Variants in ZNF536 observed in about 807,000 individuals in gnomAD.
ZNF536 encodes the protein zinc finger protein 536.
ZNF536 carries 13 observed loss-of-function variants against 84.5 expected under a neutral mutation model. The observed-to-expected ratio is 0.15, with a 90% CI of 0.10 to 0.24. The LOEUF (loss-of-function observed/expected upper bound fraction) is 0.24, where lower values mean the gene tolerates loss of function less well. Ranked by LOEUF, ZNF536 falls within the 10% of genes least tolerant of loss-of-function variation. The pLI, the probability that ZNF536 is intolerant of heterozygous loss-of-function variation, is 1.00. For missense variants in ZNF536, 1,536 were observed against 1,747.5 expected (o/e 0.88, Z 2.16); for synonymous variants, 811 against 742.5 (o/e 1.09, Z -1.50).
rs144099582 is a variant in ZNF536, at chr19:30,584,710, C to A, written c.169+35196C>A. Among the ~76,000 whole-genome samples the A allele has an allele frequency of 4.1e-4, 63 of 152,340 alleles. 1 individual carries two copies. The highest frequency in any genetic ancestry group is 1.4e-3 in the African/African-American group (60 of 41,584). Reference sequence around the variant, plus strand: ...GATTCATCATCATTTCTCAAGTCTGCACCTTGCAGAACTTTCCTCTTTGTT... The same window carrying A: ...GATTCATCATCATTTCTCAAGTCTGAACCTTGCAGAACTTTCCTCTTTGTT... On this transcript the variant is annotated intron_variant, in intron 1 of 1. Coordinates refer to the ZNF536 transcript ENST00000592773.
At chr19:30,310,400 T>C (rs1326344914) in intron 2 of ZNF536, among the ~76,000 whole-genome samples, 1 of 152,212 alleles carries the variant, frequency 6.6e-6, no homozygotes, top group Non-Finnish European at 1.5e-5. Context: ...GAGAAAATGT[T>C]CCCACCTTCT....
At chr19:30,551,471 C>G (rs932721108) in intron 4 of ZNF536, among the ~76,000 whole-genome samples, 1 of 152,176 alleles carries the variant, frequency 6.6e-6, no homozygotes, top group Admixed American at 6.5e-5. Context: ...CAGCAGCACA[C>G]GACACGTCCC....
upstream of ZNF536, among the ~76,000 whole-genome samples, chr19:30,371,032 A>G (rs1160471875): frequency 1.3e-5 from 2 of 152,158 alleles, no homozygotes; most frequent in Admixed American, 6.5e-5. Context: ...ACCAATCTAA[A>G]TCTCATAAGT....
rs2049071021 is a variant in ZNF536 at position 30,382,740 on chromosome 19, C to T, written c.-3+10184C>T. 2.0e-5 allele frequency among the ~76,000 whole-genome samples: 3 copies of T among 152,048 alleles called. No homozygotes were observed. The South Asian group carries it at 6.2e-4, about 32-fold the overall frequency. On this transcript the variant is annotated intron_variant, in intron 1 of 4. Transcript: ENST00000355537. ...CGCAGAGGTGGAATCCACTGGATCC[C>T]ATGTGATCTACATGGTTGTGATGAG...
chr19:30,357,709 G>A (rs1229396470), intron 3 of ZNF536, among the ~76,000 whole-genome samples: 1 of 152,098 alleles, frequency 6.6e-6, no homozygotes, highest in African/African-American at 2.4e-5. Flanking sequence ...CTCAGGCCCT[G>A]GCATGAGCTT....
At chr19:30,506,541 AG>A in intron 2 of ZNF536, among the ~76,000 whole-genome samples, 1 of 152,214 alleles carries the variant, frequency 6.6e-6, no homozygotes, top group East Asian at 1.9e-4. Context: ...TGCTGAGGCG[AG>A]GGGAGGTTCT....
chr19:30,697,046 A>T (rs1227672835), intron 1 of ZNF536, among the ~76,000 whole-genome samples: 1 of 152,296 alleles, frequency 6.6e-6, no homozygotes, highest in East Asian at 1.9e-4. Context: ...ATTGACTCAT[A>T]GTTCTGCATG....
chr19:30,468,082 C>T (rs1450222187), intron 2 of ZNF536, among the ~76,000 whole-genome samples: 6 of 152,362 alleles, frequency 3.9e-5, no homozygotes, highest in South Asian at 2.1e-4. Flanking sequence ...TCACCGCCCA[C>T]GACAAGATAC....
At chr19:30,527,351 G>A (rs906849670) in intron 2 of ZNF536, among the ~76,000 whole-genome samples, 2 of 150,570 alleles carry the variant, frequency 1.3e-5, no homozygotes, top group African/African-American at 4.9e-5. Flanking sequence ...GGTAGAGGGT[G>A]AGACATGGCA....
At chr19:30,607,382 G>A (rs1188869924) in intron 1 of ZNF536, among the ~76,000 whole-genome samples, 3 of 151,684 alleles carry the variant, frequency 2.0e-5, no homozygotes, top group Admixed American at 1.3e-4. Flanking sequence ...GCTCTTCTTT[G>A]TTCATCAATA....
At chr19:30,489,304 GGTGTGGTGCTCAGGCTT>G (rs2054416363) in intron 2 of ZNF536, among the ~76,000 whole-genome samples, 1 of 152,210 alleles carries the variant, frequency 6.6e-6, no homozygotes, top group East Asian at 1.9e-4. Context: ...CACAAGCTGA[GGTGTGGTGCTCAGGCTT>G]GCAGTCCCAA....
At chr19:30,265,335 G>A (rs893968427) in intron 1 of ZNF536, among the ~76,000 whole-genome samples, 3 of 152,074 alleles carry the variant, frequency 2.0e-5, no homozygotes, top group Non-Finnish European at 2.9e-5. Context: ...CTTAGAAGCC[G>A]CCTGATTTCT....
chr19:30,642,228 T>C (rs1026094685), intron 1 of ZNF536, among the ~76,000 whole-genome samples: 3 of 152,198 alleles, frequency 2.0e-5, no homozygotes, highest in Admixed American at 2.0e-4. Context: ...TCCTAAGTAA[T>C]CTTCAGCTCC....
In ZNF536 at chr19:30,402,822, T is replaced by TATATATATATATATATATATAA. The variant is rs1331644147; in HGVS notation, c.-3+30267_-3+30268insTATATATATATATATATATAAA. 1.0e-3 allele frequency among the ~76,000 whole-genome samples: 145 copies of TATATATATATATATATATATAA among 142,494 alleles called. 1 individual carries two copies. Among genetic ancestry groups the TATATATATATATATATATATAA allele is most frequent in the Non-Finnish European group, 1.8e-3 (113 of 64,462 alleles). The allele number at this position is 142,494 out of a possible 152,430, so 93.5% of individuals were successfully genotyped here. On this transcript the variant is annotated intron_variant, in intron 1 of 4. Transcript: ENST00000355537. ...ATATATATATATATATATATATATA[T>TATATATATATATATATATATAA]AATTTTCAAAAATTTGATTTAAACT...
intron 3 of ZNF536, among the ~76,000 whole-genome samples, chr19:30,356,390 C>T (rs1356350025): frequency 2.6e-5 from 4 of 152,204 alleles, no homozygotes; most frequent in Admixed American, 6.5e-5. Flanking sequence ...TGGGCTGTCC[C>T]GAGTCAGCCC....
Position 30,420,456 on chromosome 19 carries a change from GT to G in ZNF536, c.-2-23102del, listed in dbSNP as rs1568411343. Reference sequence around the variant, plus strand: ...ATCTAAGGTGTCTCTATCCAATGCAGTTTCTTCAAAGTCTGCAATGTGGGAT... The same window carrying G: ...ATCTAAGGTGTCTCTATCCAATGCAGTTCTTCAAAGTCTGCAATGTGGGAT... On this transcript the variant is annotated intron_variant, in intron 1 of 4. Transcript: ENST00000355537. Among the ~76,000 whole-genome samples, 15 of 152,304 alleles carry G rather than the reference GT, an allele frequency of 9.8e-5. 1 individual carries two copies. In the South Asian group the frequency reaches 3.1e-3, roughly 32 times the overall value.
At chr19:30,251,007 T>C (rs2024576271) in intron 1 of ZNF536, among the ~76,000 whole-genome samples, 1 of 152,178 alleles carries the variant, frequency 6.6e-6, no homozygotes, top group Non-Finnish European at 1.5e-5. Flanking sequence ...GTTTAAGATC[T>C]CGGTGAACTT....
intron 1 of ZNF536, among the ~76,000 whole-genome samples, chr19:30,572,149 T>C (rs530341050): frequency 6.6e-6 from 1 of 152,270 alleles, no homozygotes; most frequent in South Asian, 2.1e-4. Context: ...TGTGTAGTTA[T>C]CTCTAGCTAG....
chr19:30,674,472 A>G (rs533746740), intron 1 of ZNF536, among the ~76,000 whole-genome samples: 6 of 152,374 alleles, frequency 3.9e-5, no homozygotes, highest in African/African-American at 1.4e-4. Flanking sequence ...GAGTTAAGAA[A>G]TCAGGGCATC....
Sources: gnomAD v4.1 joint callset for allele counts (sites outside exome capture counted in the v4.1 genomes callset) on GRCh38, gnomAD v4.1.1 for gene constraint, MANE v1.5 for transcripts, NCBI Gene and HGNC (gene_info 2026-07-23, HGNC 2026-07-21) for gene names.